TMEM8B: variants seen among roughly 807,000 people sequenced by gnomAD.
TMEM8B encodes the protein transmembrane protein 8B.
TMEM8B carries 29 observed loss-of-function variants against 49.3 expected under a neutral mutation model. That is an observed-to-expected ratio of 0.59 (90% CI 0.44 to 0.80). The LOEUF is 0.80. TMEM8B is among the 30% of genes least tolerant of loss of function. The probability of loss-of-function intolerance (pLI) is 0.00; values close to 1 mark genes in which losing one functional copy is unlikely to be tolerated. For synonymous variants in TMEM8B, 264 were observed against 272.8 expected, an observed-to-expected ratio of 0.97 and a Z score of 0.32; for missense variants, 575 against 658.5, an observed-to-expected ratio of 0.87 and a Z score of 1.39.
chr9:35,844,914 A>AT (rs60846821), intron 6 of TMEM8B, among the ~76,000 whole-genome samples: 2,595 of 151,794 alleles, frequency 0.017, 68 homozygotes, highest in African/African-American at 0.055. Context: ...AAATATTTTG[A>AT]TTTTTTTTTC....
rs1281948567 is a variant in TMEM8B, at chr9:35,854,144, C to G, written c.*304C>G. On this transcript the variant is annotated 3_prime_UTR_variant, in exon 13 of 13. Coordinates refer to ENST00000643932, the MANE Select transcript of TMEM8B (RefSeq NM_001042590.4). ...AGCCTTTCCTGGGATGCAGAGCCTTCCCAAGACATGGATTCCTTCCCAGGG... is the reference window on the plus strand; with the variant it reads ...AGCCTTTCCTGGGATGCAGAGCCTTGCCAAGACATGGATTCCTTCCCAGGG... The G allele has an allele frequency of 1.6e-6, 1 of 610,524 alleles. No homozygotes were observed. Among genetic ancestry groups the G allele is most frequent in the Non-Finnish European group, 2.3e-6 (1 of 441,176 alleles). The allele number at this position is 610,524 out of a possible 1,614,324, so 37.8% of individuals were successfully genotyped here.
At position 35,853,012 on chromosome 9, in the gene TMEM8B, A is replaced by G. The variant is rs1351153499; in HGVS notation, c.2322+39A>G. ...GGGCCCTGGGGAACAACCATGGCCA[A>G]GTCTCCTTGAAATCCACTCCTGACC... On this transcript the variant is annotated intron_variant, in intron 11 of 12. Coordinates refer to ENST00000643932, the MANE Select transcript of TMEM8B (RefSeq NM_001042590.4). This position sits in a 1 kb window ranked among gnomAD's most constrained non-coding sequence, Gnocchi z 4.2. 4 of 1,613,528 alleles carry G rather than the reference A, an allele frequency of 2.5e-6. No homozygotes were observed. Among genetic ancestry groups the G allele is most frequent in the African/African-American group, 2.7e-5 (2 of 75,018 alleles).
At position 35,853,415 on chromosome 9, in the gene TMEM8B, C is replaced by G; in HGVS notation, c.2440-90C>G. 4 of 1,525,344 alleles carry G rather than the reference C, an allele frequency of 2.6e-6. No individual in the cohort carries two copies. The South Asian group carries it at 5.0e-5, about 19-fold the overall frequency. The allele number at this position is 1,525,344 out of a possible 1,614,324, so 94.5% of individuals were successfully genotyped here. A position where few individuals can be genotyped will look rare whatever the true frequency, so the allele number is the denominator to read the frequency against. Reference sequence around the variant, plus strand: ...CTTGGCAGGTGTCTTTAGGTCACAACCAGGATACAGAGGAAACCTGAGAGT... The same window carrying G: ...CTTGGCAGGTGTCTTTAGGTCACAAGCAGGATACAGAGGAAACCTGAGAGT... On this transcript the variant is annotated intron_variant, in intron 12 of 12. Transcript: ENST00000643932. This position sits in a 1 kb window ranked among gnomAD's most constrained non-coding sequence, Gnocchi z 4.2.
At chr9:35,832,442 G>C (rs945151256) in intron 1 of TMEM8B, among the ~76,000 whole-genome samples, 2 of 152,026 alleles carry the variant, frequency 1.3e-5, no homozygotes, top group Non-Finnish European at 2.9e-5. Flanking sequence ...AGCATTCCCA[G>C]CTGCTGCTCA....
At position 35,834,637 on chromosome 9, in the gene TMEM8B, C is replaced by G; in HGVS notation, c.685C>G (p.Gln229Glu). Residue 229 changes from glutamine to glutamate, a missense_variant, in exon 2 of 13, where the codon CAA (glutamine) becomes GAA (glutamate). By Grantham distance (29) the Gln-to-Glu change is conservative. Transcript: ENST00000643932. ...AACTTTTGGGGACCACTGCCCAGAC[C>G]AAAGTGTGACTGTGTGAGTGTCTGA... ...GGTFGDHCPD[Q>E]SVTVYFRSGA... is the part of the protein sequence containing the mutation. 2.4e-6 allele frequency: 1 copy of G among 415,862 alleles called. No individual in the cohort carries two copies. Among genetic ancestry groups the G allele is most frequent in the Non-Finnish European group, 4.4e-6 (1 of 226,396 alleles). 25.8% of individuals were successfully genotyped at this position (415,862 alleles called of 1,614,324 possible).
At position 35,862,972 on chromosome 9, in the gene TMEM8B, A is replaced by G. The variant is rs1020134492; in HGVS notation, c.*9132A>G. On this transcript the variant is annotated 3_prime_UTR_variant, in exon 13 of 13. Coordinates refer to ENST00000643932, the MANE Select transcript of TMEM8B (RefSeq NM_001042590.4). Reference sequence around the variant, plus strand: ...GATTGCCATTTGAGTTGAACTATTTATTGACATCCAGTGTTGTTCTGCCAA... The same window carrying G: ...GATTGCCATTTGAGTTGAACTATTTGTTGACATCCAGTGTTGTTCTGCCAA... 3 of 152,136 alleles carry G rather than the reference A, an allele frequency of 2.0e-5. No homozygotes were observed. 9.4% of individuals were successfully genotyped at this position (152,136 alleles called of 1,614,324 possible). A position where few individuals can be genotyped will look rare whatever the true frequency, so the allele number is the denominator to read the frequency against.
In TMEM8B at chr9:35,853,278, G is replaced by A. The variant is rs373774684; in HGVS notation, c.2439+21G>A. The A allele has an allele frequency of 2.9e-5, 46 of 1,589,960 alleles. No individual in the cohort carries two copies. Among genetic ancestry groups the A allele is most frequent in the East Asian group, 1.8e-4 (8 of 44,760 alleles). On this transcript the variant is annotated intron_variant, in intron 12 of 12. Coordinates refer to ENST00000643932, the MANE Select transcript of TMEM8B (RefSeq NM_001042590.4). This position sits in a 1 kb window ranked among gnomAD's most constrained non-coding sequence, Gnocchi z 4.2. ...CCTGGGTAAGGGTGGGGAGGGATGT[G>A]GGGGGAGGGTCCCAGCAGGACTTGG... is the stretch of plus-strand genomic sequence containing the variant.
chr9:35,831,654 T>C (rs1829909761), intron 1 of TMEM8B, among the ~76,000 whole-genome samples: 1 of 152,182 alleles, frequency 6.6e-6, no homozygotes, highest in Admixed American at 6.5e-5. Flanking sequence ...CATGTGCCCA[T>C]TGAGCAAGCA....
At chr9:35,845,429 A>G (rs1385887449) in intron 6 of TMEM8B, 1 of 985,256 alleles carries the variant, frequency 1.0e-6, no homozygotes, top group Non-Finnish European at 1.2e-6. Context: ...AACACCTTAC[A>G]TTTACTCTTG....
At chr9:35,835,798 T>G (rs1240748595) in intron 3 of TMEM8B, among the ~76,000 whole-genome samples, 1 of 152,230 alleles carries the variant, frequency 6.6e-6, no homozygotes, top group Non-Finnish European at 1.5e-5. Context: ...CTCACTTTTC[T>G]CCAAATATCA....
In TMEM8B at chr9:35,829,252, C is replaced by T. The variant is rs1028103181; in HGVS notation, c.-196C>T. On this transcript the variant is annotated 5_prime_UTR_variant, in exon 1 of 13. Transcript: ENST00000643932. ...CACGCCGACGTCAAGTCGAGGCCGC[C>T]GCCGCGGGGCCTGGTTATCGCCGGT... The T allele has an allele frequency of 6.0e-5, 21 of 351,768 alleles. No homozygotes were observed. The East Asian group carries it at 7.7e-4, about 13-fold the overall frequency. 21.8% of individuals were successfully genotyped at this position (351,768 alleles called of 1,614,324 possible). A position where few individuals can be genotyped will look rare whatever the true frequency, so the allele number is the denominator to read the frequency against.
rs1023806604 is a variant in TMEM8B, at chr9:35,859,993, C to G, written c.*6153C>G. The G allele has an allele frequency of 6.6e-6, 1 of 152,454 alleles. No homozygotes were observed. Among genetic ancestry groups the G allele is most frequent in the African/African-American group, 2.4e-5 (1 of 41,452 alleles). 9.4% of individuals were successfully genotyped at this position (152,454 alleles called of 1,614,324 possible). ...TTGCCCACTTCATCTCATTCTCTCT[C>G]CTTTTCCATCTGGACCACCCAGCTT... On this transcript the variant is annotated 3_prime_UTR_variant, in exon 13 of 13. Coordinates refer to ENST00000643932, the MANE Select transcript of TMEM8B (RefSeq NM_001042590.4).
chr9:35,833,341 G>A, intron 1 of TMEM8B: 6 of 985,298 alleles, frequency 6.1e-6, no homozygotes, highest in Non-Finnish European at 7.2e-6. Flanking sequence ...TCCTGGAGGT[G>A]TCATCTTGGG....
intron 1 of TMEM8B, among the ~76,000 whole-genome samples, chr9:35,832,492 C>T (rs1033920843): frequency 1.3e-5 from 2 of 152,084 alleles, no homozygotes; most frequent in Non-Finnish European, 2.9e-5. Flanking sequence ...CCTCTGTAGC[C>T]CCTGGCCACT....
rs921893380 is a variant in TMEM8B at position 35,852,765 on chromosome 9, C to T, written c.2176-62C>T. On this transcript the variant is annotated intron_variant, in intron 10 of 12. Transcript: ENST00000643932. Reference sequence around the variant, plus strand: ...CACACCACCCCTGGGCCCACCCCTCCGGTTTTGTAGATCTGGACCTCTGCC... The same window carrying T: ...CACACCACCCCTGGGCCCACCCCTCTGGTTTTGTAGATCTGGACCTCTGCC... 2.8e-5 allele frequency: 45 copies of T among 1,604,138 alleles called. 1 individual carries two copies. In the East Asian group the frequency reaches 3.8e-4, roughly 14 times the overall value.
rs949282057 is a variant in TMEM8B at position 35,832,563 on chromosome 9, A to G, written c.509-1898A>G. Among the ~76,000 whole-genome samples the G allele has an allele frequency of 7.2e-5, 11 of 152,238 alleles. No homozygotes were observed. In the East Asian group the frequency reaches 2.1e-3, roughly 29 times the overall value. ...GCCATACTGTGATCCTTTGAATTAC[A>G]AGGATCTTTGTGCTTGTCTGTCCAT... is the stretch of plus-strand genomic sequence containing the variant. On this transcript the variant is annotated intron_variant, in intron 1 of 12. Coordinates refer to ENST00000643932, the MANE Select transcript of TMEM8B (RefSeq NM_001042590.4).
Position 35,853,502 on chromosome 9 carries a change from C to CA in TMEM8B, c.2440-2dup. 1 of 1,609,782 alleles carries CA rather than the reference C, an allele frequency of 6.2e-7. No homozygotes were observed. The highest frequency in any genetic ancestry group is 8.5e-7 in the Non-Finnish European group (1 of 1,178,368). ...CTGAGCCCCACTTCTCTGTCTCCCC[C>CA]AGACAGTACGCAGCGTCCGCCGCCG... On this transcript the variant is annotated splice_polypyrimidine_tract_variant and splice_region_variant and intron_variant, in intron 12 of 12. Coordinates refer to ENST00000643932, the MANE Select transcript of TMEM8B (RefSeq NM_001042590.4). This position sits in a 1 kb window ranked among gnomAD's most constrained non-coding sequence, Gnocchi z 4.2.
chr9:35,849,081 A>G (rs1170254183), intron 10 of TMEM8B, among the ~76,000 whole-genome samples: 1 of 151,728 alleles, frequency 6.6e-6, no homozygotes, highest in Non-Finnish European at 1.5e-5. Flanking sequence ...GCCAGAACAT[A>G]AAACTATGTT....
chr9:35,851,954 G>A (rs995313619), intron 10 of TMEM8B, among the ~76,000 whole-genome samples: 12 of 152,136 alleles, frequency 7.9e-5, no homozygotes, highest in Non-Finnish European at 1.3e-4. Context: ...TTTTTTGGTG[G>A]CATCTCTGCC....
Sources: allele counts gnomAD v4.1 joint callset (sites outside exome capture counted in the v4.1 genomes callset), GRCh38; gene constraint gnomAD v4.1.1; non-coding constraint Gnocchi (gnomAD v3.1); transcripts MANE v1.5; gene names NCBI Gene and HGNC (gene_info 2026-07-23, HGNC 2026-07-21).